The following XYLT1 variants were observed in gnomAD, a reference collection of about 807,000 sequenced individuals.
XYLT1 encodes beta-D-xylosyltransferase 1.
Under a neutral mutation model 91.3 loss-of-function variants are expected in XYLT1, and 36 were observed. That is an observed-to-expected ratio of 0.39 (90% CI 0.30 to 0.52). The LOEUF (loss-of-function observed/expected upper bound fraction) is 0.52, where lower values mean the gene tolerates loss of function less well. Ranked by LOEUF, XYLT1 falls within the 20% of genes least tolerant of loss-of-function variation. The pLI is 0.68. For missense variants in XYLT1, 1,242 were observed against 1,284.5 expected, an observed-to-expected ratio of 0.97 and a Z score of 0.51; for synonymous variants, 588 against 532.0, an observed-to-expected ratio of 1.11 and a Z score of -1.45.
chr16:17,364,696 A>ATG (rs1327781447), intron 1 of XYLT1, among the ~76,000 whole-genome samples: 2 of 152,208 alleles, frequency 1.3e-5, no homozygotes, highest in African/African-American at 4.8e-5. Context: ...GGGAGGTATC[A>ATG]TGATCCCCAT....
chr16:17,143,807 TC>T (rs1166236562), intron 6 of XYLT1, among the ~76,000 whole-genome samples: 22 of 82,694 alleles, frequency 2.7e-4, no homozygotes, highest in African/African-American at 1.3e-3. Context: ...CATCACAATT[TC>T]CATTATCACC....
chr16:17,438,451 AG>A (rs1193082508), intron 1 of XYLT1, among the ~76,000 whole-genome samples: 3 of 152,180 alleles, frequency 2.0e-5, no homozygotes, highest in African/African-American at 7.2e-5. Flanking sequence ...AGTGGAGGCC[AG>A]ATTAAACATA....
chr16:17,234,555 C>T (rs780256324), intron 3 of XYLT1, among the ~76,000 whole-genome samples: 1 of 148,140 alleles, frequency 6.8e-6, no homozygotes, highest in Non-Finnish European at 1.5e-5. Context: ...ATAAAAACAA[C>T]AACAAAAAAC....
At chr16:17,226,430 C>A (rs992403496) in intron 3 of XYLT1, among the ~76,000 whole-genome samples, 1 of 152,166 alleles carries the variant, frequency 6.6e-6, no homozygotes, top group Admixed American at 6.5e-5. Flanking sequence ...TGTGCAGTGC[C>A]CAGGAGCATC....
intron 3 of XYLT1, chr16:17,227,761 T>G (rs1265073207): frequency 2.0e-5 from 3 of 152,122 alleles, no homozygotes; most frequent in African/African-American, 7.3e-5. Flanking sequence ...GGAGAAAGAG[T>G]TGGGAAGTGA....
At chr16:17,204,071 T>G (rs1206073698) in intron 3 of XYLT1, among the ~76,000 whole-genome samples, 1 of 152,010 alleles carries the variant, frequency 6.6e-6, no homozygotes, top group Non-Finnish European at 1.5e-5. Flanking sequence ...ACACAGTGAG[T>G]GAGGACAGAG....
intron 1 of XYLT1, among the ~76,000 whole-genome samples, chr16:17,390,013 C>G (rs1193062231): frequency 1.3e-5 from 2 of 152,118 alleles, no homozygotes; most frequent in Non-Finnish European, 2.9e-5. Context: ...CTCATTTGCA[C>G]ACAATTAAAT....
chr16:17,315,999 G>C (rs1469089803), intron 2 of XYLT1, among the ~76,000 whole-genome samples: 2 of 152,104 alleles, frequency 1.3e-5, no homozygotes, highest in African/African-American at 2.4e-5. Context: ...AATTGCAGCC[G>C]CACCTGGGTC....
At chr16:17,260,032 AT>A (rs34476832) in intron 2 of XYLT1, among the ~76,000 whole-genome samples, 15,833 of 142,316 alleles carry the variant, frequency 0.11, 814 homozygotes, top group Non-Finnish European at 0.14. Context: ...ACCAGCCGCA[AT>A]TTTTTTTTTT....
intron 1 of XYLT1, among the ~76,000 whole-genome samples, chr16:17,386,788 G>A (rs1230894320): frequency 6.6e-6 from 1 of 152,216 alleles, no homozygotes; most frequent in Non-Finnish European, 1.5e-5. Flanking sequence ...CATATGACAT[G>A]CATTACCTCA....
intron 3 of XYLT1, among the ~76,000 whole-genome samples, chr16:17,204,243 C>T (rs530804348): frequency 6.6e-6 from 1 of 152,308 alleles, no homozygotes; most frequent in East Asian, 1.9e-4. Context: ...TTTACAACTT[C>T]TCTTTAGAGT....
intron 2 of XYLT1, among the ~76,000 whole-genome samples, chr16:17,325,708 T>C (rs1050581371): frequency 3.3e-5 from 5 of 152,188 alleles, no homozygotes; most frequent in African/African-American, 4.8e-5. Context: ...GGGAAAAAAT[T>C]CCATTCAAAC....
chr16:17,235,636 T>C (rs1342941089), intron 3 of XYLT1, among the ~76,000 whole-genome samples: 1 of 152,208 alleles, frequency 6.6e-6, no homozygotes, highest in Non-Finnish European at 1.5e-5. Flanking sequence ...TGGGGAATTA[T>C]GACAAATGCT....
chr16:17,134,794 G>T (rs878965084), intron 8 of XYLT1, 59 bp from the exon 9 acceptor site: 1 of 1,589,986 alleles, frequency 6.3e-7, no homozygotes, highest in Non-Finnish European at 8.6e-7. Flanking sequence ...GGGTTGGGGG[G>T]AACCTAAGGG....
intron 3 of XYLT1, among the ~76,000 whole-genome samples, chr16:17,222,519 G>A (rs542115864): frequency 1.3e-5 from 2 of 152,344 alleles, no homozygotes; most frequent in South Asian, 4.1e-4. Context: ...ACCGGGCGCA[G>A]TGGCTTACGC....
chr16:17,109,216 G>A (rs1966821111), intron 11 of XYLT1, among the ~76,000 whole-genome samples, 199 bp from the exon 12 acceptor site: 1 of 152,162 alleles, frequency 6.6e-6, no homozygotes, highest in Non-Finnish European at 1.5e-5. Flanking sequence ...AGCCCACTTT[G>A]TACAGGGCAC....
intron 10 of XYLT1, among the ~76,000 whole-genome samples, chr16:17,127,339 C>T (rs1471932429): frequency 1.3e-5 from 2 of 152,184 alleles, no homozygotes; most frequent in Non-Finnish European, 2.9e-5. Context: ...CTTTGGATCT[C>T]TATAAGCCTC....
chr16:17,157,428 A>AC (rs2031434502), intron 6 of XYLT1, among the ~76,000 whole-genome samples: 2 of 152,312 alleles, frequency 1.3e-5, no homozygotes, highest in South Asian at 4.1e-4. Context: ...AGGTTGGGGA[A>AC]CGGGGACAGG....
chr16:17,144,134 T>C (rs1243496714), intron 6 of XYLT1, among the ~76,000 whole-genome samples: 2 of 119,554 alleles, frequency 1.7e-5, no homozygotes, highest in Non-Finnish European at 4.2e-5. Context: ...GTGATTACTG[T>C]CTACCCTTTC....
Sources: gnomAD v4.1 joint callset for allele counts (sites outside exome capture counted in the v4.1 genomes callset) on GRCh38, gnomAD v4.1.1 for gene constraint, MANE v1.5 for transcripts, NCBI Gene and HGNC (gene_info 2026-07-23, HGNC 2026-07-21) for gene names.